Variants in STT3B observed in about 807,000 individuals in gnomAD.
The protein encoded by STT3B is STT3 oligosaccharyltransferase complex catalytic subunit B.
STT3B carries 29 observed loss-of-function variants against 96.8 expected under a neutral mutation model. That is an observed-to-expected ratio of 0.30 (90% confidence interval 0.22 to 0.41). The LOEUF is 0.41. Among genes scored for constraint, STT3B ranks in the 10% least tolerant of loss-of-function variants. STT3B has a pLI of 1.00. For missense variants in STT3B, 640 were observed against 1,022.3 expected (o/e 0.63, Z 5.10); for synonymous variants, 367 against 360.0 (o/e 1.02, Z -0.22).
chr3:31,545,033 C>G (rs1456445524), intron 1 of STT3B, among the ~76,000 whole-genome samples: 5 of 152,116 alleles, frequency 3.3e-5, no homozygotes, highest in Non-Finnish European at 7.4e-5. Flanking sequence ...ATGATTTTTA[C>G]TCTAGACCAT....
chr3:31,545,703 A>C (rs1366490213), intron 1 of STT3B, among the ~76,000 whole-genome samples: 1 of 152,182 alleles, frequency 6.6e-6, no homozygotes, highest in Non-Finnish European at 1.5e-5. Context: ...TCTTTTAATA[A>C]AACTCTCATA....
intron 3 of STT3B, among the ~76,000 whole-genome samples, chr3:31,595,663 T>C (rs1028550929): frequency 6.6e-6 from 1 of 152,220 alleles, no homozygotes; most frequent in Non-Finnish European, 1.5e-5. Flanking sequence ...ATGGTCATAG[T>C]TTCTATGAAA....
chr3:31,563,048 G>A (rs1379976267), intron 1 of STT3B, among the ~76,000 whole-genome samples: 1 of 152,090 alleles, frequency 6.6e-6, no homozygotes, highest in Non-Finnish European at 1.5e-5. Context: ...CCCTTTTTCT[G>A]CATTATAAGC....
Position 31,580,026 on chromosome 3 carries a change from G to A in STT3B, c.641G>A (p.Arg214Gln). 1 of 1,613,672 alleles carries A rather than the reference G, an allele frequency of 6.2e-7. No homozygotes were observed. Among genetic ancestry groups the A allele is most frequent in the South Asian group, 1.1e-5 (1 of 91,062 alleles). ...GCTATTGTACCAGGCTACATATCTC[G>A]GTCAGTAGCTGGATCCTTTGATAAT... ...FIAIVPGYIS[R>Q]SVAGSFDNEG... Residue 214 changes from arginine to glutamine, a missense_variant, in exon 3 of 16, where the codon CGG (arginine) becomes CAG (glutamine). Arg to Gln is a conservative substitution (Grantham distance 43). Transcript: ENST00000295770.
At chr3:31,593,847 G>T (rs1299944682) in intron 3 of STT3B, among the ~76,000 whole-genome samples, 3 of 151,966 alleles carry the variant, frequency 2.0e-5, no homozygotes, top group African/African-American at 7.3e-5. Context: ...TATAACAGCT[G>T]TTTTAGAGTC....
In STT3B at chr3:31,547,321, G is replaced by C. The variant is rs1380259261; in HGVS notation, c.314+14009G>C. Among the ~76,000 whole-genome samples, 3 of 152,228 alleles carry C rather than the reference G, an allele frequency of 2.0e-5. No individual in the cohort carries two copies. In the East Asian group the frequency reaches 5.8e-4, roughly 29 times the overall value. On this transcript the variant is annotated intron_variant, in intron 1 of 15. Coordinates refer to ENST00000295770, the MANE Select transcript of STT3B (RefSeq NM_178862.3). ...TTGCAAAATTATAATAGAAGCCAGA[G>C]ATTTATAATTAATATTCAAATGTTT... is the stretch of plus-strand genomic sequence containing the variant.
In STT3B at chr3:31,532,981, C is replaced by T; in HGVS notation, c.-18C>T. 6.3e-7 allele frequency: 1 copy of T among 1,581,132 alleles called. No individual in the cohort carries two copies. The highest frequency in any genetic ancestry group is 8.6e-7 in the Non-Finnish European group (1 of 1,165,772). ...CGGCGGCGGAGGAGGAGAGCTAGAC[C>T]CGCCGCCGGGGCACAACATGGCGGA... On this transcript the variant is annotated 5_prime_UTR_variant, in exon 1 of 16. Coordinates refer to ENST00000295770, the MANE Select transcript of STT3B (RefSeq NM_178862.3).
At position 31,559,732 on chromosome 3, in the gene STT3B, G is replaced by T. The variant is rs1466555726; in HGVS notation, c.315-16664G>T. On this transcript the variant is annotated intron_variant, in intron 1 of 15. Coordinates refer to ENST00000295770, the MANE Select transcript of STT3B (RefSeq NM_178862.3). ...TTGTCTAATGTGCAGTTTAAATCCA[G>T]TGTTTCTTTGGTAACTTTGTCTACA... Among the ~76,000 whole-genome samples, 5 of 152,074 alleles carry T rather than the reference G, an allele frequency of 3.3e-5. No homozygotes were observed. In the East Asian group the frequency reaches 9.6e-4, roughly 29 times the overall value.
At position 31,615,299 on chromosome 3, in the gene STT3B, T is replaced by G. The variant is rs554141527; in HGVS notation, c.976+96T>G. 1.0e-5 allele frequency: 9 copies of G among 902,042 alleles called. No homozygotes were observed. In the South Asian group the frequency reaches 1.4e-4, roughly 14 times the overall value. The allele number at this position is 902,042 out of a possible 1,614,324, so 55.9% of individuals were successfully genotyped here. A position where few individuals can be genotyped will look rare whatever the true frequency, so the allele number is the denominator to read the frequency against. On this transcript the variant is annotated intron_variant, in intron 6 of 15. Coordinates refer to ENST00000295770, the MANE Select transcript of STT3B (RefSeq NM_178862.3). ...GACAGTTTTTGATCATTTTGGTTGT[T>G]GCAATGACAACCAAAGTAATCTGAC...
At chr3:31,596,517 CTT>C (rs1410841347) in intron 3 of STT3B, among the ~76,000 whole-genome samples, 1 of 152,020 alleles carries the variant, frequency 6.6e-6, no homozygotes, top group Non-Finnish European at 1.5e-5. Context: ...GGGCAAGAGA[CTT>C]TGCAGAAAAT....
At chr3:31,573,342 G>A (rs1698199780) in intron 1 of STT3B, among the ~76,000 whole-genome samples, 3 of 152,148 alleles carry the variant, frequency 2.0e-5, no homozygotes, top group Non-Finnish European at 4.4e-5. Context: ...GTGGCAGAGT[G>A]CACAGATTGG....
intron 1 of STT3B, among the ~76,000 whole-genome samples, chr3:31,565,188 C>A (rs1697973951): frequency 6.6e-6 from 1 of 152,068 alleles, no homozygotes; most frequent in African/African-American, 2.4e-5. Context: ...AATAGAAATT[C>A]CTGTTTCTTG....
chr3:31,601,325 C>T (rs1239364166), intron 5 of STT3B, among the ~76,000 whole-genome samples: 1 of 152,076 alleles, frequency 6.6e-6, no homozygotes, highest in Non-Finnish European at 1.5e-5. Context: ...CTTTATGAAA[C>T]CATAAAATAT....
Position 31,579,929 on chromosome 3 carries a change from T to G in STT3B, c.544T>G (p.Ser182Ala), listed in dbSNP as rs1406907362. 1 of 1,613,936 alleles carries G rather than the reference T, an allele frequency of 6.2e-7. No individual in the cohort carries two copies. Among genetic ancestry groups the G allele is most frequent in the Non-Finnish European group, 8.5e-7 (1 of 1,179,862 alleles). Residue 182 changes from serine to alanine, a missense_variant, in exon 3 of 16, where the codon TCT (serine) becomes GCT (alanine). Coordinates refer to ENST00000295770, the MANE Select transcript of STT3B (RefSeq NM_178862.3). The stretch of plus-strand genomic sequence containing the variant: ...TGCACCAACTTTTAGCGGCCTTACA[T>G]CTATATCTACTTTCCTGCTTACAAG... ...FLAPTFSGLTSISTFLLTREL... is the reference protein window; with the variant it reads ...FLAPTFSGLTAISTFLLTREL...
At chr3:31,564,131 G>T (rs1252076732) in intron 1 of STT3B, among the ~76,000 whole-genome samples, 1 of 152,090 alleles carries the variant, frequency 6.6e-6, no homozygotes, top group Non-Finnish European at 1.5e-5. Context: ...TATCTGAATA[G>T]TATATTTCTA....
At chr3:31,602,701 T>C (rs1464061297) in intron 5 of STT3B, among the ~76,000 whole-genome samples, 24 of 144,246 alleles carry the variant, frequency 1.7e-4, no homozygotes, top group Admixed American at 1.6e-3. Context: ...TAGAAAAATA[T>C]GAAATTCATA....
At chr3:31,558,541 A>G (rs552685114) in intron 1 of STT3B, among the ~76,000 whole-genome samples, 4 of 152,298 alleles carry the variant, frequency 2.6e-5, no homozygotes, top group East Asian at 3.9e-4. Flanking sequence ...GTATAAACCC[A>G]TTTCATCATG....
Position 31,580,025 on chromosome 3 carries a change from C to T in STT3B, c.640C>T (p.Arg214Trp), listed in dbSNP as rs1698348815. 1 of 1,613,776 alleles carries T rather than the reference C, an allele frequency of 6.2e-7. No homozygotes were observed. ...FIAIVPGYIS[R>W]SVAGSFDNEG... ...TGCTATTGTACCAGGCTACATATCTCGGTCAGTAGCTGGATCCTTTGATAA... is the reference window on the plus strand; with the variant it reads ...TGCTATTGTACCAGGCTACATATCTTGGTCAGTAGCTGGATCCTTTGATAA... Residue 214 changes from arginine (R) to tryptophan (W), a missense_variant, in exon 3 of 16, where the codon CGG becomes TGG. Around this residue, in one of 8 missense-constraint regions of STT3B, gnomAD observed 267 missense variants for 388.3 expected, o/e 0.69. Coordinates refer to ENST00000295770, the MANE Select transcript of STT3B (RefSeq NM_178862.3).
intron 2 of STT3B, among the ~76,000 whole-genome samples, chr3:31,579,203 T>G (rs1236301289): frequency 1.3e-5 from 2 of 151,998 alleles, no homozygotes; most frequent in African/African-American, 4.8e-5. Context: ...AAAAATTTAA[T>G]TTTTCAGGAG....
Sources: allele counts gnomAD v4.1 joint callset (sites outside exome capture counted in the v4.1 genomes callset), GRCh38; gene constraint gnomAD v4.1.1; regional missense constraint gnomAD v4.1.1; transcripts MANE v1.5; gene names NCBI Gene and HGNC (gene_info 2026-07-23, HGNC 2026-07-21).